CEP112: variants seen among roughly 807,000 people sequenced by gnomAD.
The protein encoded by CEP112 is centrosomal protein of 112 kDa.
A neutral mutation model predicts 153.0 loss-of-function variants in CEP112; 127 were observed. That is an observed-to-expected ratio of 0.83 (90% CI 0.72 to 0.96). The LOEUF is 0.96. CEP112 is among the 40% of genes least tolerant of loss of function. The pLI is 0.00. For missense variants in CEP112, 1,089 were observed against 1,101.2 expected, an observed-to-expected ratio of 0.99 and a Z score of 0.16; for synonymous variants, 358 against 374.4, an observed-to-expected ratio of 0.96 and a Z score of 0.51.
chr17:65,905,376 A>G (rs1336812840), intron 19 of CEP112, among the ~76,000 whole-genome samples: 1 of 152,258 alleles, frequency 6.6e-6, no homozygotes. Flanking sequence ...GTCATTAGAG[A>G]AATGCAAATC....
intron 20 of CEP112, among the ~76,000 whole-genome samples, chr17:65,867,947 A>T (rs2058538435): frequency 6.6e-6 from 1 of 151,992 alleles, no homozygotes; most frequent in Admixed American, 6.6e-5. Context: ...GGGGAAAAAA[A>T]ACCCTGATGA....
In CEP112 at chr17:65,777,041, TAA is replaced by T. The variant is rs531322398; in HGVS notation, c.2395-26319_2395-26318del. 1.9e-3 allele frequency among the ~76,000 whole-genome samples: 289 copies of T among 152,326 alleles called. 1 individual carries two copies. The highest frequency in any genetic ancestry group is 6.9e-3 in the African/African-American group (285 of 41,574). ...TTGGTTGGGCATCTGCTGTCCAGAATAAAGACTACATTTTCCAGCCTCCTTTG... is the reference window on the plus strand; with the variant it reads ...TTGGTTGGGCATCTGCTGTCCAGAATAGACTACATTTTCCAGCCTCCTTTG... On this transcript the variant is annotated intron_variant, in intron 21 of 26. Coordinates refer to ENST00000535342, the MANE Select transcript of CEP112 (RefSeq NM_001199165.4).
chr17:65,842,032 C>T (rs1330548909), intron 21 of CEP112, among the ~76,000 whole-genome samples: 1 of 152,098 alleles, frequency 6.6e-6, no homozygotes, highest in East Asian at 1.9e-4. Context: ...TCAATAACTT[C>T]CCAAGTCGAG....
At chr17:66,168,479 A>G (rs1463931725) in intron 4 of CEP112, among the ~76,000 whole-genome samples, 3 of 151,004 alleles carry the variant, frequency 2.0e-5, no homozygotes, top group Admixed American at 6.6e-5. Flanking sequence ...GTATATATGT[A>G]TATATGTGTG....
At chr17:65,808,714 T>C (rs2055764098) in intron 21 of CEP112, among the ~76,000 whole-genome samples, 1 of 152,198 alleles carries the variant, frequency 6.6e-6, no homozygotes, top group African/African-American at 2.4e-5. Flanking sequence ...TCTTCCACCA[T>C]GATTGTAAGT....
intron 6 of CEP112, among the ~76,000 whole-genome samples, chr17:66,102,080 T>C (rs1237414055): frequency 6.6e-6 from 1 of 152,200 alleles, no homozygotes; most frequent in Non-Finnish European, 1.5e-5. Context: ...ATGGTAGTTT[T>C]GAGAAGACAA....
At chr17:65,742,338 A>G (rs1050308093) in intron 23 of CEP112, among the ~76,000 whole-genome samples, 1 of 152,214 alleles carries the variant, frequency 6.6e-6, no homozygotes, top group Admixed American at 6.5e-5. Flanking sequence ...TTTGCTGGGA[A>G]TTCTTTAAAA....
chr17:65,951,199 A>G (rs867695710), intron 18 of CEP112, among the ~76,000 whole-genome samples: 3 of 152,308 alleles, frequency 2.0e-5, no homozygotes, highest in East Asian at 1.9e-4. Flanking sequence ...ATAGTTTACT[A>G]GTGAAATATT....
At position 66,184,734 on chromosome 17, in the gene CEP112, C is replaced by T. The variant is rs1296347354; in HGVS notation, c.-8-1427G>A. ...TACACTCAGCCTATGACCCAGAAAT[C>T]CCACTCCCAAGTATTTAGCTAAGTG... is the stretch of plus-strand genomic sequence containing the variant. On this transcript the variant is annotated intron_variant, in intron 1 of 26. Transcript: ENST00000535342. Among the ~76,000 whole-genome samples the T allele has an allele frequency of 2.0e-5, 3 of 152,238 alleles. No individual in the cohort carries two copies. In the East Asian group the frequency reaches 5.8e-4, roughly 29 times the overall value.
chr17:65,652,202 C>T (rs2045817964), intron 24 of CEP112, among the ~76,000 whole-genome samples: 1 of 151,998 alleles, frequency 6.6e-6, no homozygotes. Context: ...AGGACAGACT[C>T]TTTTGTAATC....
In CEP112 at chr17:65,916,250, AGTGTGT is replaced by A. The variant is rs3222034; in HGVS notation, c.1980+11326_1980+11331del. ...TACCTTAAATTATGTTTTGAAAAAG[AGTGTGT>A]GTGTGTGTGTGTGTGTGTGTGTGTG... On this transcript the variant is annotated intron_variant, in intron 19 of 26. Coordinates refer to ENST00000535342, the MANE Select transcript of CEP112 (RefSeq NM_001199165.4). 2.9e-3 allele frequency among the ~76,000 whole-genome samples: 380 copies of A among 129,960 alleles called. 2 individuals are homozygous for A. The highest frequency in any genetic ancestry group is 0.011 in the Middle Eastern group (3 of 264). The allele number at this position is 129,960 out of a possible 152,430, so 85.3% of individuals were successfully genotyped here.
intron 8 of CEP112, among the ~76,000 whole-genome samples, chr17:66,092,384 CACACAGAT>C (rs1340736055): frequency 7.3e-5 from 11 of 151,396 alleles, no homozygotes; most frequent in Admixed American, 3.3e-4. Context: ...CACACACACA[CACACAGAT>C]ACACACACAC....
Position 65,755,473 on chromosome 17 carries a change from C to T in CEP112, c.2395-4749G>A, listed in dbSNP as rs560392059. Among the ~76,000 whole-genome samples the T allele has an allele frequency of 8.9e-4, 135 of 152,176 alleles. 1 individual carries two copies. Among genetic ancestry groups the T allele is most frequent in the African/African-American group, 3.2e-3 (133 of 41,504 alleles). ...CTGAGATTTGGGCGGGGACACACAC[C>T]CAAACCATTTCAGGGTTTCAGTATA... On this transcript the variant is annotated intron_variant, in intron 21 of 26. Transcript: ENST00000535342.
intron 22 of CEP112, among the ~76,000 whole-genome samples, chr17:65,749,242 C>G (rs909907338): frequency 6.6e-5 from 10 of 152,118 alleles, no homozygotes; most frequent in African/African-American, 2.2e-4. Context: ...TGCGGTGGCT[C>G]ATGCCTGTAA....
intron 25 of CEP112, among the ~76,000 whole-genome samples, chr17:65,638,977 A>G (rs1361096031): frequency 6.6e-6 from 1 of 152,172 alleles, no homozygotes; most frequent in Non-Finnish European, 1.5e-5. Context: ...GCTCACCTAC[A>G]AACTTAATGG....
intron 21 of CEP112, among the ~76,000 whole-genome samples, chr17:65,797,943 G>A (rs1229844890): frequency 6.6e-6 from 1 of 152,156 alleles, no homozygotes; most frequent in African/African-American, 2.4e-5. Flanking sequence ...GGCTGCACAC[G>A]CATGCGAGGG....
intron 19 of CEP112, among the ~76,000 whole-genome samples, chr17:65,921,921 C>T (rs1475399978): frequency 6.6e-6 from 1 of 151,890 alleles, no homozygotes; most frequent in African/African-American, 2.4e-5. Flanking sequence ...GTGAAACTGT[C>T]ACAATGTGGA....
At chr17:65,793,252 G>A (rs1031385996) in intron 21 of CEP112, among the ~76,000 whole-genome samples, 1 of 152,040 alleles carries the variant, frequency 6.6e-6, no homozygotes, top group African/African-American at 2.4e-5. Context: ...ACCAAATACC[G>A]CATGTTCTCA....
chr17:65,678,132 T>G (rs1194792335), intron 24 of CEP112, among the ~76,000 whole-genome samples: 1 of 152,170 alleles, frequency 6.6e-6, no homozygotes, highest in Non-Finnish European at 1.5e-5. Flanking sequence ...TTCTCTCTGC[T>G]GACTCAACCC....
Sources: gnomAD v4.1 joint callset for allele counts (sites outside exome capture counted in the v4.1 genomes callset) on GRCh38, gnomAD v4.1.1 for gene constraint, MANE v1.5 for transcripts, NCBI Gene and HGNC (gene_info 2026-07-23, HGNC 2026-07-21) for gene names.